The following ARPC2 variants were observed in gnomAD, a reference collection of about 807,000 sequenced individuals.
The protein encoded by ARPC2 is actin-related protein 2/3 complex subunit 2.
Under a neutral mutation model 38.6 loss-of-function variants are expected in ARPC2, and 4 were observed. That is an observed-to-expected ratio of 0.10 (90% CI 0.05 to 0.24). ARPC2 has a LOEUF of 0.24. Among genes scored for constraint, ARPC2 ranks in the 10% least tolerant of loss-of-function variants. The pLI, the probability that ARPC2 is intolerant of heterozygous loss-of-function variation, is 1.00. For missense variants in ARPC2, 229 were observed against 387.3 expected (o/e 0.59, Z 3.43); for synonymous variants, 125 against 140.8 (o/e 0.89, Z 0.79).
At chr2:218,252,563 G>A (rs943596641) in intron 10 of ARPC2, among the ~76,000 whole-genome samples, 1 of 152,198 alleles carries the variant, frequency 6.6e-6, no homozygotes, top group Non-Finnish European at 1.5e-5. Context: ...TCAGGGCCCA[G>A]TAGACAGGCA....
At chr2:218,251,209 G>T (rs1161639537) in intron 10 of ARPC2, among the ~76,000 whole-genome samples, 1 of 151,380 alleles carries the variant, frequency 6.6e-6, no homozygotes, top group South Asian at 2.1e-4. Context: ...TTGTTGTTTT[G>T]TTTTTGTTTT....
At chr2:218,241,128 C>T (rs1689904270) in intron 7 of ARPC2, among the ~76,000 whole-genome samples, 1 of 152,152 alleles carries the variant, frequency 6.6e-6, no homozygotes, top group African/African-American at 2.4e-5. Context: ...TCATTCTGTT[C>T]CTTGGCAGGG....
chr2:218,222,004 A>G (rs544905644), intron 2 of ARPC2, among the ~76,000 whole-genome samples: 2 of 152,346 alleles, frequency 1.3e-5, no homozygotes, highest in East Asian at 1.9e-4. Context: ...ACCCTGGCTC[A>G]CGCCTGTAAT....
rs200615756 is a variant in ARPC2 at position 218,239,488 on chromosome 2, T to A, written c.549+4T>A. ...CATTGGAAAGGTGTTCATGCAGGTA[T>A]GGAGCAGACATCTTGGGGGAAACCC... On this transcript the variant is annotated splice_donor_region_variant and intron_variant, in intron 7 of 10. Coordinates refer to ENST00000315717, the MANE Select transcript of ARPC2 (RefSeq NM_152862.3). 262 of 1,611,440 alleles carry A rather than the reference T, an allele frequency of 1.6e-4. No homozygotes were observed. The highest frequency in any genetic ancestry group is 1.6e-4 in the Non-Finnish European group (186 of 1,177,626).
chr2:218,238,600 T>TTC, intron 5 of ARPC2, 64 bp from the exon 6 acceptor site: 1 of 956,684 alleles, frequency 1.0e-6, no homozygotes, highest in East Asian at 2.8e-5. Context: ...CTTTTTTTTT[T>TTC]TTTTTTTTTT....
intron 10 of ARPC2, 69 bp downstream of exon 10, chr2:218,249,990 G>A: frequency 7.4e-7 from 1 of 1,346,290 alleles, no homozygotes; most frequent in Non-Finnish European, 1.0e-6. Flanking sequence ...AGTGGGCGCT[G>A]GTGGCCTGGT....
intron 3 of ARPC2, among the ~76,000 whole-genome samples, chr2:218,226,694 T>G (rs1277249111): frequency 6.6e-6 from 1 of 151,150 alleles, no homozygotes; most frequent in African/African-American, 2.4e-5. Flanking sequence ...CTTTTTGAGC[T>G]CTTTATAATA....
At chr2:218,246,391 G>A (rs748510794) in intron 8 of ARPC2, among the ~76,000 whole-genome samples, 12 of 151,826 alleles carry the variant, frequency 7.9e-5, no homozygotes, top group Non-Finnish European at 1.5e-4. Context: ...TTAGCTGGGC[G>A]TGGTGGTGTG....
chr2:218,240,417 A>G (rs368821617), intron 7 of ARPC2, among the ~76,000 whole-genome samples: 1 of 152,180 alleles, frequency 6.6e-6, no homozygotes, highest in East Asian at 1.9e-4. Flanking sequence ...GTGTTTCCTC[A>G]GATTTCTAGT....
intron 7 of ARPC2, among the ~76,000 whole-genome samples, chr2:218,243,228 A>G (rs1012674771): frequency 4.6e-5 from 7 of 152,148 alleles, no homozygotes; most frequent in African/African-American, 7.2e-5. Flanking sequence ...TTAAGATGCT[A>G]CTTTTATCAT....
chr2:218,236,905 G>T (rs1358819599), intron 5 of ARPC2, among the ~76,000 whole-genome samples: 2 of 152,134 alleles, frequency 1.3e-5, no homozygotes, highest in Non-Finnish European at 2.9e-5. Context: ...AGTTATTCCC[G>T]TCAGTTGCCT....
intron 10 of ARPC2, among the ~76,000 whole-genome samples, chr2:218,252,453 A>G (rs968313018): frequency 2.0e-5 from 3 of 151,690 alleles, no homozygotes; most frequent in South Asian, 2.1e-4. Context: ...CCTGGTGTCT[A>G]CATTTTCCCC....
intron 7 of ARPC2, 125 bp downstream of exon 7, chr2:218,239,609 T>TTC: frequency 2.2e-5 from 14 of 629,452 alleles, no homozygotes; most frequent in Non-Finnish European, 3.5e-5. Context: ...TTTTTTTTTT[T>TTC]CGAGACGGAG....
chr2:218,226,888 T>C, intron 3 of ARPC2: 1 of 369,118 alleles, frequency 2.7e-6, no homozygotes, highest in African/African-American at 2.1e-5. Context: ...AGCACTAGAG[T>C]AGTAGGGAAA....
At chr2:218,242,213 T>G (rs778323899) in intron 7 of ARPC2, among the ~76,000 whole-genome samples, 21 of 152,222 alleles carry the variant, frequency 1.4e-4, no homozygotes, top group Non-Finnish European at 1.0e-4. Context: ...ACTAGTGGTA[T>G]GGGCATATCA....
At chr2:218,252,685 GC>G (rs1690221141) in intron 10 of ARPC2, among the ~76,000 whole-genome samples, 1 of 152,170 alleles carries the variant, frequency 6.6e-6, no homozygotes, top group Non-Finnish European at 1.5e-5. Context: ...TAGTCTCAGG[GC>G]TGCCAGCATC....
intron 10 of ARPC2, among the ~76,000 whole-genome samples, chr2:218,251,240 T>G (rs1214459385): frequency 6.6e-6 from 1 of 151,946 alleles, no homozygotes; most frequent in Non-Finnish European, 1.5e-5. Context: ...ATACAGAGTT[T>G]CGCTCTTGAA....
intron 2 of ARPC2, among the ~76,000 whole-genome samples, chr2:218,222,288 G>A (rs1689400551): frequency 6.6e-6 from 1 of 151,896 alleles, no homozygotes; most frequent in Admixed American, 6.6e-5. Context: ...AAAAAATGGG[G>A]AATTGGATCC....
chr2:218,244,666 G>T (rs897125261), intron 7 of ARPC2, among the ~76,000 whole-genome samples: 1 of 152,214 alleles, frequency 6.6e-6, no homozygotes, highest in East Asian at 1.9e-4. Context: ...GTATTAGGAG[G>T]CAGTATTTGA....
Sources: gnomAD v4.1 joint callset for allele counts (sites outside exome capture counted in the v4.1 genomes callset) on GRCh38, gnomAD v4.1.1 for gene constraint, MANE v1.5 for transcripts, NCBI Gene and HGNC (gene_info 2026-07-23, HGNC 2026-07-21) for gene names.